Variants in RAB25 observed in about 807,000 individuals in gnomAD.
RAB25 encodes the protein ras-related protein Rab-25.
RAB25 carries 23 observed loss-of-function variants against 25.2 expected under a neutral mutation model. That is an observed-to-expected ratio of 0.91 (90% CI 0.66 to 1.29). The LOEUF (loss-of-function observed/expected upper bound fraction) is 1.29. RAB25 is among the 50% of genes most tolerant of loss of function. The probability of loss-of-function intolerance (pLI) is 0.00; values close to 1 mark genes in which losing one functional copy is unlikely to be tolerated. For missense variants in RAB25, 244 were observed against 277.3 expected, an observed-to-expected ratio of 0.88 and a Z score of 0.85; for synonymous variants, 102 against 111.5, an observed-to-expected ratio of 0.91 and a Z score of 0.54.
Position 156,070,225 on chromosome 1 carries a change from A to G in RAB25, c.580A>G (p.Ser194Gly). 1 of 1,614,120 alleles carries G rather than the reference A, an allele frequency of 6.2e-7. No individual in the cohort carries two copies. The highest frequency in any genetic ancestry group is 8.5e-7 in the Non-Finnish European group (1 of 1,180,010). Reference sequence around the variant, plus strand: ...CCGGACCAATGCCATCACTCTGGGCAGTGCCCAGGCTGGACAGGAGCCTGG... The same window carrying G: ...CCGGACCAATGCCATCACTCTGGGCGGTGCCCAGGCTGGACAGGAGCCTGG... ...SIRTNAITLGSAQAGQEPGPG... is the reference protein window; with the variant it reads ...SIRTNAITLGGAQAGQEPGPG... Residue 194 changes from serine (S) to glycine (G), a missense_variant, in exon 5 of 5, where the codon AGT becomes GGT. By Grantham distance (56) the Ser-to-Gly change is moderately conservative. Transcript: ENST00000361084.
At chr1:156,062,859 G>A (rs1647622803) in intron 1 of RAB25, among the ~76,000 whole-genome samples, 1 of 151,862 alleles carries the variant, frequency 6.6e-6, no homozygotes, top group East Asian at 1.9e-4. Context: ...TTCCAGACCA[G>A]CCTGGCCAAC....
At chr1:156,069,971 G>C (rs1647859573) in intron 4 of RAB25, 189 bp from the exon 5 acceptor site, 1 of 958,330 alleles carries the variant, frequency 1.0e-6, no homozygotes, top group Non-Finnish European at 1.6e-6. Flanking sequence ...CTGACTCTTG[G>C]TTCCTTCTCC....
chr1:156,065,021 A>G (rs1339140620), intron 1 of RAB25, among the ~76,000 whole-genome samples: 25 of 152,126 alleles, frequency 1.6e-4, no homozygotes, highest in Admixed American at 1.5e-3. Flanking sequence ...TGGGCCCTGG[A>G]TGCTGCCCAC....
At chr1:156,063,181 G>C (rs1289636037) in intron 1 of RAB25, among the ~76,000 whole-genome samples, 1 of 151,912 alleles carries the variant, frequency 6.6e-6, no homozygotes, top group Non-Finnish European at 1.5e-5. Context: ...TGTTGCCCAG[G>C]CTGGAGTGCA....
intron 1 of RAB25, among the ~76,000 whole-genome samples, chr1:156,063,562 G>A (rs1459685139): frequency 6.6e-6 from 1 of 152,212 alleles, no homozygotes. Flanking sequence ...TCAAGGGCGG[G>A]GAGCTCTGTG....
At chr1:156,070,057 C>A in intron 4 of RAB25, 103 bp from the exon 5 acceptor site, 1 of 1,568,840 alleles carries the variant, frequency 6.4e-7, no homozygotes, top group Non-Finnish European at 8.8e-7. Context: ...GTGTGGCCAC[C>A]CCCCATGCTC....
rs539167822 is a variant in RAB25, at chr1:156,068,296, T to A, written c.266T>A (p.Leu89His). 1 of 1,613,664 alleles carries A rather than the reference T, an allele frequency of 6.2e-7. No homozygotes were observed. Among genetic ancestry groups the A allele is most frequent in the African/African-American group, 1.3e-5 (1 of 75,008 alleles). Residue 89 changes from leucine (L) to histidine (H), a missense_variant, in exon 3 of 5, where the codon CTC (leucine) becomes CAC (histidine). Coordinates refer to ENST00000361084, the MANE Select transcript of RAB25 (RefSeq NM_020387.4). ...SAYYRGAVGA[L>H]LVFDLTKHQT... ...TACTATCGTGGTGCAGTGGGGGCCC[T>A]CCTGGTGTTTGACCTAACCAAGCAC...
intron 2 of RAB25, among the ~76,000 whole-genome samples, chr1:156,066,964 G>A (rs1421689067): frequency 6.6e-6 from 1 of 151,024 alleles, no homozygotes; most frequent in Non-Finnish European, 1.5e-5. Context: ...AGCTGGGCGC[G>A]GTAGCTCACA....
chr1:156,063,705 C>G (rs1647660598), intron 1 of RAB25, among the ~76,000 whole-genome samples: 1 of 152,226 alleles, frequency 6.6e-6, no homozygotes, highest in African/African-American at 2.4e-5. Context: ...CCTGCACTCC[C>G]TGCAGCTTGG....
rs758972685 is a variant in RAB25, at chr1:156,068,462, T to G, written c.432T>G (p.Ala144=). 2 of 1,611,182 alleles carry G rather than the reference T, an allele frequency of 1.2e-6. No individual in the cohort carries two copies. The highest frequency in any genetic ancestry group is 4.5e-5 in the East Asian group (2 of 44,810). Residue 144 remains alanine (A), a splice_region_variant and synonymous_variant, in exon 3 of 5, where the codon GCT becomes GCG. Coordinates refer to ENST00000361084, the MANE Select transcript of RAB25 (RefSeq NM_020387.4). ...CCACTGAGGAGGCCCGAATGTTCGC[T>G]GGTGAGAGCCTGCCACTACCCAGGC... ...EVPTEEARMF[A]ENNGLLFLET... is the part of the protein sequence containing the mutation.
intron 3 of RAB25, 32 bp from the exon 4 acceptor site, chr1:156,069,639 C>T: frequency 6.6e-7 from 1 of 1,516,300 alleles, no homozygotes; most frequent in Non-Finnish European, 9.2e-7. Flanking sequence ...CTTTGACTCC[C>T]ACAATTAATG....
intron 3 of RAB25, 40 bp downstream of exon 3, chr1:156,068,503 T>C: frequency 6.3e-7 from 1 of 1,591,648 alleles, no homozygotes; most frequent in East Asian, 2.2e-5. Flanking sequence ...CCTCCAAGCT[T>C]AGCCCACCTT....
At chr1:156,066,155 T>G in intron 2 of RAB25, 49 bp downstream of exon 2, 1 of 1,369,260 alleles carries the variant, frequency 7.3e-7, no homozygotes. Flanking sequence ...TCTGGGGAAG[T>G]CGAGGAACAC....
rs1647873998 is a variant in RAB25, at chr1:156,070,447, C to T, written c.*160C>T. 1 of 916,320 alleles carries T rather than the reference C, an allele frequency of 1.1e-6. No individual in the cohort carries two copies. Among genetic ancestry groups the T allele is most frequent in the Non-Finnish European group, 1.6e-6 (1 of 617,080 alleles). The allele number at this position is 916,320 out of a possible 1,614,324, so 56.8% of individuals were successfully genotyped here. A position where few individuals can be genotyped will look rare whatever the true frequency, so the allele number is the denominator to read the frequency against. On this transcript the variant is annotated 3_prime_UTR_variant, in exon 5 of 5. Coordinates refer to ENST00000361084, the MANE Select transcript of RAB25 (RefSeq NM_020387.4). ...TCTTCATGCCCTATCACAAATACCT[C>T]TTTTATCTGTCCACCCCTCACAGAC...
intron 1 of RAB25, among the ~76,000 whole-genome samples, chr1:156,064,423 CTTT>C (rs1203115407): frequency 1.5e-5 from 2 of 131,526 alleles, no homozygotes. Flanking sequence ...TTTTCTTTTT[CTTT>C]TTTTTTTTTT....
At chr1:156,067,335 CA>C (rs1435483833) in intron 2 of RAB25, among the ~76,000 whole-genome samples, 1 of 152,058 alleles carries the variant, frequency 6.6e-6, no homozygotes, top group East Asian at 1.9e-4. Context: ...TAGCACTTGC[CA>C]GGGGGCAGGA....
intron 4 of RAB25, 53 bp from the exon 5 acceptor site, chr1:156,070,107 G>A (rs1647863709): frequency 6.2e-7 from 1 of 1,613,822 alleles, no homozygotes; most frequent in Non-Finnish European, 8.5e-7. Context: ...TTGGGGAGAA[G>A]GGAGCATGGG....
In RAB25 at chr1:156,066,050, C is replaced by T. The variant is rs374488091; in HGVS notation, c.183C>T (p.Val61=). The change falls in exon 2 of 5, where the codon GTC becomes GTT. Residue 61 remains valine, a synonymous_variant. Transcript: ENST00000361084. ...TRTVMLGTAA[V]KAQIWDTAGL... ...CTGTGATGTTGGGCACCGCTGCTGT[C>T]AAGGCTCAGATCTGGGACACAGCTG... 1.9e-5 allele frequency: 30 copies of T among 1,613,020 alleles called. No individual in the cohort carries two copies. The highest frequency in any genetic ancestry group is 2.3e-5 in the Non-Finnish European group (27 of 1,179,342).
chr1:156,069,653 T>A lies in RAB25; in HGVS notation c.434-18T>A, dbSNP rs749680413. 6.4e-7 allele frequency: 1 copy of A among 1,573,054 alleles called. No individual in the cohort carries two copies. Among genetic ancestry groups the A allele is most frequent in the Non-Finnish European group, 8.8e-7 (1 of 1,142,772 alleles). On this transcript the variant is annotated intron_variant, in intron 3 of 4. Transcript: ENST00000361084. Reference sequence around the variant, plus strand: ...CCTTTGACTCCCACAATTAATGGTGTGTTTCCCTTCCTGGCAGAAAACAAT... The same window carrying A: ...CCTTTGACTCCCACAATTAATGGTGAGTTTCCCTTCCTGGCAGAAAACAAT...
Sources: allele counts gnomAD v4.1 joint callset (sites outside exome capture counted in the v4.1 genomes callset), GRCh38; gene constraint gnomAD v4.1.1; transcripts MANE v1.5; gene names NCBI Gene and HGNC (gene_info 2026-07-23, HGNC 2026-07-21).